The following CNTN4 variants were observed in gnomAD, a reference collection of about 807,000 sequenced individuals.
The protein encoded by CNTN4 is contactin 4.
In CNTN4, 77 loss-of-function variants were observed where a neutral mutation model predicts 122.5. That is an observed-to-expected ratio of 0.63 (90% CI 0.52 to 0.76). The LOEUF (loss-of-function observed/expected upper bound fraction) is 0.76, where lower values mean the gene tolerates loss of function less well. Among genes scored for constraint, CNTN4 ranks in the 30% least tolerant of loss-of-function variants. The pLI, the probability that CNTN4 is intolerant of heterozygous loss-of-function variation, is 0.00. For synonymous variants in CNTN4, 512 were observed against 447.0 expected (o/e 1.15, Z -1.83); for missense variants, 1,256 against 1,259.1 (o/e 1.00, Z 0.04).
intron 8 of CNTN4, among the ~76,000 whole-genome samples, chr3:2,880,055 C>T (rs1382809268): frequency 2.0e-5 from 3 of 152,024 alleles, no homozygotes; most frequent in African/African-American, 2.4e-5. Flanking sequence ...TTTTAGGACG[C>T]GGAGATAACA....
chr3:2,498,150 T>TA (rs1428156851), intron 3 of CNTN4, among the ~76,000 whole-genome samples: 2 of 152,154 alleles, frequency 1.3e-5, no homozygotes, highest in South Asian at 2.1e-4. Context: ...TATGAATACT[T>TA]ATGGAGTTTG....
intron 3 of CNTN4, among the ~76,000 whole-genome samples, chr3:2,455,924 G>A (rs1482793359): frequency 1.3e-5 from 2 of 152,058 alleles, no homozygotes; most frequent in African/African-American, 4.8e-5. Flanking sequence ...CAAAATCAGG[G>A]TTAATATTCA....
At chr3:2,631,644 T>G (rs1485247602) in intron 4 of CNTN4, among the ~76,000 whole-genome samples, 2 of 151,724 alleles carry the variant, frequency 1.3e-5, no homozygotes, top group African/African-American at 4.8e-5. Context: ...TTTTTTTAAT[T>G]TGAAGAAACA....
intron 6 of CNTN4, among the ~76,000 whole-genome samples, chr3:2,757,324 T>C (rs1433866201): frequency 1.3e-5 from 2 of 152,144 alleles, no homozygotes; most frequent in African/African-American, 4.8e-5. Context: ...ATTGGCCCTT[T>C]CTCCATAGGG....
At chr3:2,306,106 G>A (rs565344983) in intron 2 of CNTN4, among the ~76,000 whole-genome samples, 114 of 152,156 alleles carry the variant, frequency 7.5e-4, no homozygotes, top group African/African-American at 2.6e-3. Context: ...TGTGTACAAG[G>A]TTTTGTGTGG....
At position 2,510,711 on chromosome 3, in the gene CNTN4, C is replaced by T. The variant is rs9811545; in HGVS notation, c.-88-60705C>T. On this transcript the variant is annotated intron_variant, in intron 3 of 24. Transcript: ENST00000418658. ...CGTGTGTGGCAAGGTTTTGATAAAG[C>T]GCAGAACACATGTTCTGTTTAAAAA... 8.9e-3 allele frequency among the ~76,000 whole-genome samples: 1,352 copies of T among 152,224 alleles called. 22 individuals carry two copies. Among genetic ancestry groups the T allele is most frequent in the African/African-American group, 0.031 (1,284 of 41,528 alleles).
intron 3 of CNTN4, among the ~76,000 whole-genome samples, chr3:2,412,209 A>G (rs552554249): frequency 2.7e-5 from 4 of 150,694 alleles, no homozygotes; most frequent in African/African-American, 9.7e-5. Context: ...CAATCTCTTC[A>G]TCCTCCTCCT....
At position 2,159,788 on chromosome 3, in the gene CNTN4, T is replaced by C. The variant is rs531779321; in HGVS notation, c.-145+59149T>C. 4.6e-5 allele frequency among the ~76,000 whole-genome samples: 7 copies of C among 152,290 alleles called. No homozygotes were observed. In the East Asian group the frequency reaches 1.3e-3, roughly 29 times the overall value. The stretch of plus-strand genomic sequence containing the variant: ...ATGGATTATGTTTGTCCCACAATCA[T>C]TTTTTAATCTGAATAATAAGGTCAA... On this transcript the variant is annotated intron_variant, in intron 2 of 24. Transcript: ENST00000418658.
chr3:2,697,210 T>C (rs2086088769), intron 4 of CNTN4, among the ~76,000 whole-genome samples: 1 of 152,236 alleles, frequency 6.6e-6, no homozygotes, highest in Non-Finnish European at 1.5e-5. Context: ...CATATGCTCC[T>C]GGAAAGAGAG....
intron 2 of CNTN4, among the ~76,000 whole-genome samples, chr3:2,276,568 T>C (rs1027655368): frequency 6.6e-5 from 10 of 152,184 alleles, no homozygotes; most frequent in Non-Finnish European, 1.3e-4. Context: ...TTTTTTAGGA[T>C]CTCTGTGGCA....
At chr3:2,634,784 A>G (rs1402598703) in intron 4 of CNTN4, among the ~76,000 whole-genome samples, 1 of 151,770 alleles carries the variant, frequency 6.6e-6, no homozygotes, top group Non-Finnish European at 1.5e-5. Flanking sequence ...TGAACCCGGG[A>G]GGCAGAGGTT....
At chr3:2,772,731 G>A (rs2091157775) in intron 6 of CNTN4, among the ~76,000 whole-genome samples, 1 of 152,120 alleles carries the variant, frequency 6.6e-6, no homozygotes, top group Non-Finnish European at 1.5e-5. Context: ...ATACTACATC[G>A]ATAGGGCTGA....
intron 3 of CNTN4, among the ~76,000 whole-genome samples, chr3:2,446,116 G>T (rs1037333352): frequency 6.6e-6 from 1 of 152,148 alleles, no homozygotes; most frequent in East Asian, 1.9e-4. Flanking sequence ...TCCCTAATCT[G>T]CCCACTTTGC....
chr3:2,501,049 T>C (rs917513770), intron 3 of CNTN4, among the ~76,000 whole-genome samples: 1 of 152,212 alleles, frequency 6.6e-6, no homozygotes, highest in Non-Finnish European at 1.5e-5. Flanking sequence ...TTTTAGGTTT[T>C]TGCATGCCAG....
intron 3 of CNTN4, among the ~76,000 whole-genome samples, chr3:2,560,759 G>A (rs960536061): frequency 1.3e-5 from 2 of 152,068 alleles, no homozygotes; most frequent in African/African-American, 4.8e-5. Context: ...TCTTCCCCCA[G>A]TAGAGTAAAA....
intron 4 of CNTN4, among the ~76,000 whole-genome samples, chr3:2,675,165 A>G (rs1434037639): frequency 2.0e-5 from 3 of 152,074 alleles, no homozygotes; most frequent in Non-Finnish European, 4.4e-5. Context: ...CTCAGGTTGA[A>G]AAACACCCAT....
At chr3:2,122,021 TGGC>T (rs2033822492) in intron 2 of CNTN4, among the ~76,000 whole-genome samples, 1 of 131,356 alleles carries the variant, frequency 7.6e-6, no homozygotes, top group Admixed American at 8.6e-5. Flanking sequence ...CCGGGCGTGG[TGGC>T]GGCGCCTGTA....
chr3:2,580,742 T>A (rs1273463765), intron 4 of CNTN4, among the ~76,000 whole-genome samples: 12 of 152,160 alleles, frequency 7.9e-5, no homozygotes, highest in Non-Finnish European at 1.5e-5. Context: ...ATAATAATAG[T>A]AAGAGTAAAA....
chr3:2,537,271 C>A (rs1404961143), intron 3 of CNTN4, among the ~76,000 whole-genome samples: 1 of 151,990 alleles, frequency 6.6e-6, no homozygotes, highest in African/African-American at 2.4e-5. Context: ...GAGGTTCCTA[C>A]GACTCCATTA....
Sources: allele counts gnomAD v4.1 joint callset (sites outside exome capture counted in the v4.1 genomes callset), GRCh38; gene constraint gnomAD v4.1.1; transcripts MANE v1.5; gene names NCBI Gene and HGNC (gene_info 2026-07-23, HGNC 2026-07-21).